Variants in ARVCF observed in about 807,000 individuals in gnomAD.
The protein encoded by ARVCF is ARVCF delta catenin family member.
A neutral mutation model predicts 90.9 loss-of-function variants in ARVCF; 66 were observed. That is an observed-to-expected ratio of 0.73 (90% confidence interval 0.60 to 0.89). The LOEUF is 0.89. Ranked by LOEUF, ARVCF falls within the 40% of genes least tolerant of loss-of-function variation. The probability of loss-of-function intolerance (pLI) is 0.00; values close to 1 mark genes in which losing one functional copy is unlikely to be tolerated. For missense variants in ARVCF, 1,469 were observed against 1,382.3 expected, an observed-to-expected ratio of 1.06 and a Z score of -1.00; for synonymous variants, 653 against 603.4, an observed-to-expected ratio of 1.08 and a Z score of -1.21.
chr22:19,989,166 G>T (rs1433756633), intron 3 of ARVCF, among the ~76,000 whole-genome samples: 1 of 151,822 alleles, frequency 6.6e-6, no homozygotes, highest in Non-Finnish European at 1.5e-5. Flanking sequence ...GAGGGTAGAG[G>T]CCTCACATTT....
Position 19,981,737 on chromosome 22 carries a change from C to T in ARVCF, c.370G>A (p.Val124Ile), listed in dbSNP as rs756998917. 7.0e-6 allele frequency: 11 copies of T among 1,561,388 alleles called. No homozygotes were observed. In the East Asian group the frequency reaches 2.3e-4, roughly 32 times the overall value. Residue 124 changes from valine (V) to isoleucine (I), a missense_variant and splice_region_variant, in exon 5 of 20, where the codon GTC becomes ATC. Transcript: ENST00000263207. ...DGTTRRTETK[V>I]TKTVKTVTTR... ...GTCACCGTCTTGACAGTCTTGGTGA[C>T]CTGGTGGATGGATAGGCAGGTAGGT...
At chr22:19,968,416 C>A, downstream of ARVCF, 1 of 983,232 alleles carries the variant, frequency 1.0e-6, no homozygotes, top group Non-Finnish European at 1.6e-6. Flanking sequence ...GGAAACCTGG[C>A]CCCAGGGGCT....
In ARVCF at chr22:19,979,995, G is replaced by A; in HGVS notation, c.1144C>T (p.Leu382=). The change falls in exon 6 of 20, where the codon CTG becomes TTG. Residue 382 remains leucine, a synonymous_variant. Transcript: ENST00000263207. The stretch of plus-strand genomic sequence containing the variant: ...TCGTTCTCAAAGCACAGATGCTGCA[G>A]GTAGGCGGCCGCATTGGCCTTCACG... ...DPVKANAAAY[L]QHLCFENEGV... The A allele has an allele frequency of 6.3e-7, 1 of 1,595,792 alleles. No homozygotes were observed. The highest frequency in any genetic ancestry group is 8.5e-7 in the Non-Finnish European group (1 of 1,171,718).
rs192899894 is a variant in ARVCF at position 19,992,271 on chromosome 22, C to T, written c.-18-1459G>A. Among the ~76,000 whole-genome samples, 337 of 152,308 alleles carry T rather than the reference C, an allele frequency of 2.2e-3. 2 individuals are homozygous for T. The highest frequency in any genetic ancestry group is 8.0e-3 in the African/African-American group (331 of 41,548). On this transcript the variant is annotated intron_variant, in intron 2 of 19. Transcript: ENST00000263207. ...AAATGAAACTGTCAACACAACCTTTCGGGGAAGCCAGCATGAGTGGAGGAG... is the reference window on the plus strand; with the variant it reads ...AAATGAAACTGTCAACACAACCTTTTGGGGAAGCCAGCATGAGTGGAGGAG...
At chr22:19,997,129 G>A (rs1305574823) in intron 2 of ARVCF, among the ~76,000 whole-genome samples, 1 of 152,194 alleles carries the variant, frequency 6.6e-6, no homozygotes, top group African/African-American at 2.4e-5. Flanking sequence ...GGGGGACTAG[G>A]GGCTGTGTGG....
chr22:19,980,883 A>C (rs1409938776), intron 5 of ARVCF: 1 of 317,380 alleles, frequency 3.2e-6, no homozygotes, highest in Non-Finnish European at 5.8e-6. Context: ...AGAGATGCAG[A>C]AACTGAGGGC....
chr22:20,010,529 A>G (rs1414584453), intron 1 of ARVCF, 21 bp from the exon 2 acceptor site: 3 of 152,282 alleles, frequency 2.0e-5, no homozygotes, highest in South Asian at 4.1e-4. Flanking sequence ...ACCAGAGGGC[A>G]TGAGTGAGGT....
Position 19,979,822 on chromosome 22 carries a change from G to T in ARVCF, c.1317C>A (p.Ile439=). The T allele has an allele frequency of 1.9e-6, 3 of 1,609,728 alleles. No homozygotes were observed. Among genetic ancestry groups the T allele is most frequent in the Non-Finnish European group, 2.5e-6 (3 of 1,178,938 alleles). ...YGRDTDNKAA[I]RDCGGVPALV... is the part of the protein sequence containing the mutation. ...GGGCAGGCACACCACCGCAGTCCCG[G>T]ATGGCGGCCTTGTTGTCAGTGTCGC... Residue 439 remains isoleucine (I), a synonymous_variant, in exon 6 of 20, where the codon ATC becomes ATA. Transcript: ENST00000263207.
intron 5 of ARVCF, chr22:19,980,482 C>G: frequency 2.0e-6 from 1 of 505,716 alleles, no homozygotes; most frequent in Non-Finnish European, 3.2e-6. Flanking sequence ...AGGCAACCCT[C>G]CCAGGACAGC....
In ARVCF at chr22:19,973,034, T is replaced by C. The variant is rs1311294671; in HGVS notation, c.2441A>G (p.Gln814Arg). 3 of 1,604,312 alleles carry C rather than the reference T, an allele frequency of 1.9e-6. No individual in the cohort carries two copies. Among genetic ancestry groups the C allele is most frequent in the Non-Finnish European group, 2.6e-6 (3 of 1,174,688 alleles). The change falls in exon 15 of 20, where the codon CAA (glutamine) becomes CGA (arginine). Residue 814 changes from glutamine to arginine, a missense_variant and splice_region_variant. Gln to Arg is a conservative substitution (Grantham distance 43). Coordinates refer to ENST00000263207, the MANE Select transcript of ARVCF (RefSeq NM_001670.3). ...CGCCGCCTTCGCTTCGCGTACCGAT[T>C]GGCTGTGGGGCCGGGGGCGGGGTCA... ...PALVALVASS[Q>R]SVREAKAASH...
At chr22:19,997,086 C>CAG (rs1944281184) in intron 2 of ARVCF, among the ~76,000 whole-genome samples, 1 of 152,228 alleles carries the variant, frequency 6.6e-6, no homozygotes, top group South Asian at 2.1e-4. Flanking sequence ...CTACACTGGC[C>CAG]AGCCCCAGGG....
At chr22:19,972,619 G>A (rs1038628360) in intron 16 of ARVCF, 118 bp downstream of exon 16, 3 of 1,219,234 alleles carry the variant, frequency 2.5e-6, no homozygotes, top group Admixed American at 5.1e-5. Flanking sequence ...CAGGGAAAGT[G>A]GCCTATGGAA....
intron 5 of ARVCF, chr22:19,980,504 C>T (rs1331862641): frequency 4.6e-6 from 2 of 436,594 alleles, no homozygotes; most frequent in Non-Finnish European, 7.8e-6. Flanking sequence ...AACTCACTCA[C>T]TGCTGTCACC....
intron 3 of ARVCF, among the ~76,000 whole-genome samples, chr22:19,989,344 G>T (rs2146372786): frequency 6.6e-6 from 1 of 152,264 alleles, no homozygotes; most frequent in South Asian, 2.1e-4. Context: ...GGCCTTCTAT[G>T]TGGGTCTCAT....
At chr22:19,973,348 C>CCT (rs1349739588) in intron 13 of ARVCF, 31 bp from the exon 14 acceptor site, 2 of 1,554,960 alleles carry the variant, frequency 1.3e-6, no homozygotes, top group South Asian at 2.3e-5. Flanking sequence ...TCAGAACACA[C>CCT]CTCTGCCCCA....
In ARVCF at chr22:19,981,508, C is replaced by G. The variant is rs771553998; in HGVS notation, c.599G>C (p.Ser200Thr). 153 of 1,564,596 alleles carry G rather than the reference C, an allele frequency of 9.8e-5. 1 individual carries two copies. The Admixed American group carries it at 2.7e-3, about 28-fold the overall frequency. The change falls in exon 5 of 20, where the codon AGC becomes ACC. Residue 200 changes from serine to threonine, a missense_variant. Transcript: ENST00000263207. ...CAGCCCTCGGGACAGGCTGCCATAGCTGGGGCTGTCCCGGGGCTCGGGGCC... is the reference window on the plus strand; with the variant it reads ...CAGCCCTCGGGACAGGCTGCCATAGGTGGGGCTGTCCCGGGGCTCGGGGCC... ...PEGPEPRDSP[S>T]YGSLSRGLGM...
chr22:20,013,155 T>C (rs986900574), intron 1 of ARVCF, among the ~76,000 whole-genome samples: 1 of 152,254 alleles, frequency 6.6e-6, no homozygotes, highest in Admixed American at 6.5e-5. Context: ...TGCTGCTCAA[T>C]GACAATGCTG....
chr22:19,967,016 C>A, downstream of ARVCF: 2 of 1,199,250 alleles, frequency 1.7e-6, no homozygotes, highest in Non-Finnish European at 2.1e-6. Context: ...TGGTAGGAGG[C>A]TTGCAGTGTC....
chr22:20,015,570 T>C (rs1445781556), intron 1 of ARVCF, among the ~76,000 whole-genome samples: 1 of 152,118 alleles, frequency 6.6e-6, no homozygotes, highest in African/African-American at 2.4e-5. Context: ...TAAAGGCAGA[T>C]AAGGCAGTAG....
Sources: allele counts gnomAD v4.1 joint callset (sites outside exome capture counted in the v4.1 genomes callset), GRCh38; gene constraint gnomAD v4.1.1; transcripts MANE v1.5; gene names NCBI Gene and HGNC (gene_info 2026-07-23, HGNC 2026-07-21).